Variants in CARF observed in about 807,000 individuals in gnomAD.
CARF encodes calcium responsive transcription factor.
Under a neutral mutation model 82.0 loss-of-function variants are expected in CARF, and 57 were observed. That is an observed-to-expected ratio of 0.70 (90% CI 0.56 to 0.87). The LOEUF is 0.87. Among genes scored for constraint, CARF ranks in the 40% least tolerant of loss-of-function variants. CARF has a pLI of 0.00. For synonymous variants in CARF, 268 were observed against 290.1 expected (o/e 0.92, Z 0.77); for missense variants, 771 against 855.8 (o/e 0.90, Z 1.24).
chr2:202,962,233 T>C (rs2059350394), intron 9 of CARF: 1 of 152,220 alleles, frequency 6.6e-6, no homozygotes, highest in African/African-American at 2.4e-5. Context: ...GGCTCATGCC[T>C]CTAATCTCAG....
Position 202,982,077 on chromosome 2 carries a change from G to A in CARF, c.1695G>A (p.Leu565=), listed in dbSNP as rs1316319564. ...QPKIFTQLQG[L]QLQPRYTSPD... is the part of the protein sequence containing the mutation. The stretch of plus-strand genomic sequence containing the variant: ...TACTCTTTTTGGTTTAAAAGGGTTT[G>A]CAGTTACAACCAAGGTACACCTCTC... The change falls in exon 16 of 17, where the codon TTG becomes TTA. Residue 565 remains leucine (L), a synonymous_variant. Coordinates refer to ENST00000438828, the MANE Select transcript of CARF (RefSeq NM_024744.17). 16 of 1,612,582 alleles carry A rather than the reference G, an allele frequency of 9.9e-6. No individual in the cohort carries two copies. Among genetic ancestry groups the A allele is most frequent in the East Asian group, 2.2e-5 (1 of 44,884 alleles).
At chr2:202,926,920 C>T (rs1691934766) in intron 3 of CARF, among the ~76,000 whole-genome samples, 1 of 152,228 alleles carries the variant, frequency 6.6e-6, no homozygotes, top group South Asian at 2.1e-4. Context: ...CTCAGATGAT[C>T]CTCCTACCTT....
intron 12 of CARF, 73 bp downstream of exon 12, chr2:202,971,811 G>A (rs1194939875): frequency 4.5e-6 from 5 of 1,121,376 alleles, no homozygotes; most frequent in South Asian, 2.9e-5. Flanking sequence ...AGTGAACATT[G>A]GAGATATTTT....
intron 5 of CARF, among the ~76,000 whole-genome samples, chr2:202,947,476 G>C (rs757844025): frequency 1.3e-5 from 2 of 152,042 alleles, no homozygotes; most frequent in African/African-American, 2.4e-5. Flanking sequence ...GGGCCTGTCG[G>C]GGGGGTAGGG....
At chr2:202,944,318 G>C (rs573304328) in intron 5 of CARF, among the ~76,000 whole-genome samples, 5 of 152,068 alleles carry the variant, frequency 3.3e-5, no homozygotes, top group African/African-American at 9.7e-5. Context: ...GAAGGATAAT[G>C]TGTTTCTTGT....
chr2:202,917,605 A>G (rs1689985574), intron 1 of CARF, among the ~76,000 whole-genome samples: 1 of 152,168 alleles, frequency 6.6e-6, no homozygotes, highest in Admixed American at 6.5e-5. Flanking sequence ...TCTTTGTTTT[A>G]GTGATAGTTA....
intron 3 of CARF, among the ~76,000 whole-genome samples, chr2:202,937,930 T>TA (rs11346288): frequency 0.082 from 11,702 of 143,270 alleles, 600 homozygotes; most frequent in Non-Finnish European, 0.12. Context: ...CAGCCAACTG[T>TA]AAAAAAAAAA....
chr2:202,914,779 C>CAAAA (rs1251429747), intron 1 of CARF, among the ~76,000 whole-genome samples: 1 of 41,172 alleles, frequency 2.4e-5, no homozygotes, highest in Non-Finnish European at 4.9e-5. Flanking sequence ...AACTCCATCT[C>CAAAA]AAAAAAAAAA....
At chr2:202,942,385 A>AT (rs1447711293) in intron 4 of CARF, 1 of 165,644 alleles carries the variant, frequency 6.0e-6, no homozygotes, top group Non-Finnish European at 1.2e-5. Flanking sequence ...AAAAAAAAAA[A>AT]AGAATTTTAA....
chr2:202,932,458 C>T (rs528595992), intron 3 of CARF, among the ~76,000 whole-genome samples: 5 of 152,090 alleles, frequency 3.3e-5, no homozygotes, highest in African/African-American at 9.6e-5. Flanking sequence ...AGGCAGGGCA[C>T]AGAACTGGCC....
Position 202,986,960 on chromosome 2 carries a change from CCTG to C in CARF, c.*3339_*3341del, listed in dbSNP as rs1263138421. 1 of 120,536 alleles carries C rather than the reference CCTG, an allele frequency of 8.3e-6. No homozygotes were observed. The highest frequency in any genetic ancestry group is 1.8e-5 in the Non-Finnish European group (1 of 56,192). The allele number at this position is 120,536 out of a possible 1,614,324, so 7.5% of individuals were successfully genotyped here. ...ACCATGTATTTTTTTCATTAAAAAT[CCTG>C]CTTTTTTTTTATACTTGTTAGTTTT... On this transcript the variant is annotated 3_prime_UTR_variant, in exon 17 of 17. Transcript: ENST00000438828.
chr2:202,923,758 T>A (rs543018738), intron 2 of CARF, among the ~76,000 whole-genome samples: 5 of 152,232 alleles, frequency 3.3e-5, no homozygotes, highest in Non-Finnish European at 7.3e-5. Flanking sequence ...AACAGCATGG[T>A]ACTGGTATCA....
chr2:202,985,979 T>C lies in CARF; in HGVS notation c.*2355T>C, dbSNP rs2060416102. On this transcript the variant is annotated 3_prime_UTR_variant, in exon 17 of 17. Transcript: ENST00000438828. The stretch of plus-strand genomic sequence containing the variant: ...CTTGATTCTGTGTGAATGTCTCTTC[T>C]GATACTGTTTTTTAATCAGAAAGTT... The C allele has an allele frequency of 6.6e-6, 1 of 152,136 alleles. No individual in the cohort carries two copies. Among genetic ancestry groups the C allele is most frequent in the South Asian group, 2.1e-4 (1 of 4,828 alleles). 9.4% of individuals were successfully genotyped at this position (152,136 alleles called of 1,614,324 possible).
chr2:202,977,407 A>C, intron 14 of CARF, 75 bp downstream of exon 14: 293 of 1,098,454 alleles, frequency 2.7e-4, no homozygotes, highest in Non-Finnish European at 3.5e-4. Context: ...ATATTATCTC[A>C]TCTAATCAAA....
chr2:202,953,934 T>C (rs2058893900), intron 6 of CARF, 71 bp from the exon 7 acceptor site: 1 of 1,326,474 alleles, frequency 7.5e-7, no homozygotes, highest in African/African-American at 1.5e-5. Context: ...ATACATAAGT[T>C]TTAGTTAGGT....
In CARF at chr2:202,974,450, T is replaced by C. The variant is rs778526872; in HGVS notation, c.1448T>C (p.Leu483Ser). The C allele has an allele frequency of 6.2e-7, 1 of 1,607,138 alleles. No individual in the cohort carries two copies. Among genetic ancestry groups the C allele is most frequent in the South Asian group, 1.1e-5 (1 of 89,194 alleles). ...CACATCCATGAGGTACAGAAATCCT[T>C]GAGAAATGGAGATACGGTATATAAC... ...KNHIHEVQKS[L>S]RNGDTVYNSE... is the part of the protein sequence containing the mutation. Residue 483 changes from leucine (L) to serine (S), a missense_variant, in exon 13 of 17, where the codon TTG becomes TCG. Physicochemically the swap from Leu to Ser is moderately radical, Grantham distance 145. Coordinates refer to ENST00000438828, the MANE Select transcript of CARF (RefSeq NM_024744.17).
intron 3 of CARF, among the ~76,000 whole-genome samples, chr2:202,928,166 A>G (rs1215802193): frequency 6.6e-6 from 1 of 151,838 alleles, no homozygotes; most frequent in Admixed American, 6.6e-5. Context: ...CCATTATTCT[A>G]CTCCCTACTT....
intron 3 of CARF, among the ~76,000 whole-genome samples, chr2:202,928,620 A>G (rs182314595): frequency 7.2e-5 from 11 of 152,276 alleles, no homozygotes; most frequent in Admixed American, 2.6e-4. Context: ...AATCCTTGCC[A>G]GCATTTGTTA....
At chr2:202,966,899 A>T (rs940020261) in intron 9 of CARF, 79 bp from the exon 10 acceptor site, 3 of 1,398,014 alleles carry the variant, frequency 2.1e-6, no homozygotes, top group Non-Finnish European at 9.7e-7. Flanking sequence ...TGACATTGCC[A>T]CCACCAAGTT....
Sources: allele counts gnomAD v4.1 joint callset (sites outside exome capture counted in the v4.1 genomes callset), GRCh38; gene constraint gnomAD v4.1.1; transcripts MANE v1.5; gene names NCBI Gene and HGNC (gene_info 2026-07-23, HGNC 2026-07-21).